The following ZNF487 variants were observed in gnomAD, a reference collection of about 807,000 sequenced individuals.
ZNF487 encodes KRAB domain only 1.
In ZNF487, 4 loss-of-function variants were observed where a neutral mutation model predicts 3.0. The ratio of observed to expected loss-of-function variants is 1.35; its 90% CI spans 0.66 to 3.08. The LOEUF (loss-of-function observed/expected upper bound fraction) is 3.08. Ranked by LOEUF, ZNF487 falls within the 30% of genes most tolerant of loss-of-function variation. The pLI, the probability that ZNF487 is intolerant of heterozygous loss-of-function variation, is 0.01. For synonymous variants in ZNF487, 55 were observed against 34.6 expected (o/e 1.59, Z -2.06); for missense variants, 146 against 98.7 (o/e 1.48, Z -2.03).
chr10:43,507,426 C>T, the ZNF487 span, among the ~76,000 whole-genome samples: 7 of 152,308 alleles, frequency 4.6e-5, no homozygotes, highest in African/African-American at 1.4e-4. Context: ...GAGTAATGGC[C>T]TTGCCTGGCA....
the ZNF487 span, among the ~76,000 whole-genome samples, chr10:43,503,754 G>T: frequency 6.6e-6 from 1 of 152,028 alleles, no homozygotes; most frequent in African/African-American, 2.4e-5. Context: ...TACAAGGCAT[G>T]CACCACCATG....
intron 1 of ZNF487, among the ~76,000 whole-genome samples, chr10:43,460,929 T>C (rs2132090239): frequency 6.6e-6 from 1 of 152,170 alleles, no homozygotes; most frequent in East Asian, 1.9e-4. Flanking sequence ...TGGCCTCAAG[T>C]GATCTAACAC....
chr10:43,486,029 A>G (rs577488053), downstream of ZNF487, among the ~76,000 whole-genome samples: 1 of 152,344 alleles, frequency 6.6e-6, no homozygotes, highest in African/African-American at 2.4e-5. Flanking sequence ...GAACTGAGAA[A>G]GTGTGATTAA....
rs191255882 is a variant in ZNF487 at position 43,451,207 on chromosome 10, A to C, written c.-94+13945A>C. Among the ~76,000 whole-genome samples the C allele has an allele frequency of 9.6e-3, 1,438 of 149,638 alleles. 21 individuals are homozygous for C. Among genetic ancestry groups the C allele is most frequent in the African/African-American group, 0.033 (1,317 of 40,472 alleles). On this transcript the variant is annotated intron_variant, in intron 1 of 3. Transcript: ENST00000437590. ...GTGATACGCTTGCCTCGGCCTTCCAAAGTGCTGGGATTACAGGCGTGAACC... is the reference window on the plus strand; with the variant it reads ...GTGATACGCTTGCCTCGGCCTTCCACAGTGCTGGGATTACAGGCGTGAACC...
chr10:43,518,650 A>C, the ZNF487 span, among the ~76,000 whole-genome samples: 1 of 152,170 alleles, frequency 6.6e-6, no homozygotes, highest in Non-Finnish European at 1.5e-5. Flanking sequence ...TGTTTCTGGC[A>C]TGAAGCCTGG....
At chr10:43,506,279 C>T in the ZNF487 span, among the ~76,000 whole-genome samples, 1 of 152,102 alleles carries the variant, frequency 6.6e-6, no homozygotes, top group Non-Finnish European at 1.5e-5. Context: ...TTTGGGAGGT[C>T]AAGGTGGGAG....
chr10:43,443,213 C>T (rs1839680917), intron 1 of ZNF487, among the ~76,000 whole-genome samples: 1 of 151,624 alleles, frequency 6.6e-6, no homozygotes, highest in South Asian at 2.1e-4. Context: ...CAGGCACCCG[C>T]CACCACGCCT....
At chr10:43,509,991 T>C in the ZNF487 span, among the ~76,000 whole-genome samples, 1 of 152,178 alleles carries the variant, frequency 6.6e-6, no homozygotes, top group Non-Finnish European at 1.5e-5. Flanking sequence ...CAACTGTCCT[T>C]CATACAATGG....
chr10:43,465,807 A>G lies in ZNF487; in HGVS notation c.-93-9914A>G, dbSNP rs984008120. ...GGGTGGCCGCCGAGCAGAGGCTGCA[A>G]TCTCGGCACTTTGGGAGGCCAAGGC... On this transcript the variant is annotated intron_variant, in intron 1 of 3. Coordinates refer to ENST00000437590, the MANE Select transcript of ZNF487 (RefSeq NM_001355444.3). Among the ~76,000 whole-genome samples, 36 of 152,186 alleles carry G rather than the reference A, an allele frequency of 2.4e-4. 1 individual carries two copies. The highest frequency in any genetic ancestry group is 2.0e-3 in the Admixed American group (31 of 15,278).
intron 1 of ZNF487, among the ~76,000 whole-genome samples, chr10:43,438,029 A>T (rs930158218): frequency 3.3e-5 from 5 of 151,848 alleles, no homozygotes; most frequent in African/African-American, 1.2e-4. Flanking sequence ...TCCTAGTGTT[A>T]CTTTTCTGCT....
the ZNF487 span, among the ~76,000 whole-genome samples, chr10:43,498,114 C>CTTTTTTTTTTT: frequency 4.1e-4 from 10 of 24,616 alleles, 1 homozygote; most frequent in Non-Finnish European, 6.5e-4. Context: ...TTTTTTTTTT[C>CTTTTTTTTTTT]TTTTTTTTTT....
chr10:43,447,146 C>T (rs1029101927), intron 1 of ZNF487, among the ~76,000 whole-genome samples: 1 of 151,992 alleles, frequency 6.6e-6, no homozygotes, highest in African/African-American at 2.4e-5. Context: ...GCAGTACAGT[C>T]CAGCAGAGGG....
chr10:43,522,199 T>C, the ZNF487 span, among the ~76,000 whole-genome samples: 1 of 152,172 alleles, frequency 6.6e-6, no homozygotes, highest in African/African-American at 2.4e-5. Context: ...TGTCTGAAAT[T>C]GTAATTTGGT....
the ZNF487 span, among the ~76,000 whole-genome samples, chr10:43,521,951 T>C: frequency 8.8e-3 from 1,345 of 152,244 alleles, 15 homozygotes; most frequent in South Asian, 0.037. Flanking sequence ...AGACTGTTTA[T>C]GAAATAAATT....
intron 1 of ZNF487, among the ~76,000 whole-genome samples, chr10:43,439,270 T>C (rs535368917): frequency 1.3e-5 from 2 of 151,754 alleles, no homozygotes; most frequent in East Asian, 3.9e-4. Context: ...CATTGTGGCA[T>C]GTGCCTGTAG....
Position 43,466,658 on chromosome 10 carries a change from C to G in ZNF487, c.-93-9063C>G, listed in dbSNP as rs191235309. Among the ~76,000 whole-genome samples the G allele has an allele frequency of 2.8e-3, 427 of 152,226 alleles. 2 individuals are homozygous for G. The highest frequency in any genetic ancestry group is 0.01 in the African/African-American group (416 of 41,546). ...CCTTGTGATCCACCCGCCTCGGCAT[C>G]CCATAGTGCTGGGATTACAGGCGTG... On this transcript the variant is annotated intron_variant, in intron 1 of 3. Transcript: ENST00000437590.
chr10:43,448,231 C>A lies in ZNF487; in HGVS notation c.-94+10969C>A, dbSNP rs575126287. Among the ~76,000 whole-genome samples the A allele has an allele frequency of 4.0e-5, 6 of 151,734 alleles. No homozygotes were observed. In the East Asian group the frequency reaches 1.2e-3, roughly 30 times the overall value. On this transcript the variant is annotated intron_variant, in intron 1 of 3. Coordinates refer to ENST00000437590, the MANE Select transcript of ZNF487 (RefSeq NM_001355444.3). ...GTCTCGATCTCCTGACCTCGTGATC[C>A]ACCTGCCTCAGCCTCCCAAAGTGCT...
At chr10:43,445,791 A>G (rs1387776936) in intron 1 of ZNF487, among the ~76,000 whole-genome samples, 1 of 152,246 alleles carries the variant, frequency 6.6e-6, no homozygotes, top group African/African-American at 2.4e-5. Flanking sequence ...CATGTGAACA[A>G]AGGTCTCTGG....
intron 1 of ZNF487, among the ~76,000 whole-genome samples, chr10:43,437,959 G>C (rs1260592084): frequency 6.6e-6 from 1 of 151,924 alleles, no homozygotes; most frequent in Non-Finnish European, 1.5e-5. Flanking sequence ...CCAAAGTGCG[G>C]GGATTACAGG....
Sources: allele counts gnomAD v4.1 joint callset (sites outside exome capture counted in the v4.1 genomes callset), GRCh38; gene constraint gnomAD v4.1.1; transcripts MANE v1.5; gene names NCBI Gene and HGNC (gene_info 2026-07-23, HGNC 2026-07-21).